The following CORIN variants were observed in gnomAD, a reference collection of about 807,000 sequenced individuals.
CORIN encodes atrial natriuretic peptide-converting enzyme.
In CORIN, 117 loss-of-function variants were observed where a neutral mutation model predicts 125.3. That is an observed-to-expected ratio of 0.93 (90% CI 0.80 to 1.09). The LOEUF is 1.09. Ranked by LOEUF, CORIN falls within the 50% of genes least tolerant of loss-of-function variation. The pLI, the probability that CORIN is intolerant of heterozygous loss-of-function variation, is 0.00. For missense variants in CORIN, 1,253 were observed against 1,306.7 expected (o/e 0.96, Z 0.63); for synonymous variants, 450 against 466.4 (o/e 0.96, Z 0.45).
intron 5 of CORIN, among the ~76,000 whole-genome samples, chr4:47,702,072 G>A (rs1201079137): frequency 6.6e-6 from 1 of 152,050 alleles, no homozygotes; most frequent in Non-Finnish European, 1.5e-5. Flanking sequence ...TTCTTGGGAG[G>A]TGCTACCTTC....
intron 19 of CORIN, among the ~76,000 whole-genome samples, chr4:47,605,378 T>G (rs914356828): frequency 6.6e-6 from 1 of 152,174 alleles, no homozygotes; most frequent in Non-Finnish European, 1.5e-5. Flanking sequence ...TATTTAATGA[T>G]GGCTCAATGA....
At chr4:47,809,450 G>A (rs1301756708) in intron 1 of CORIN, among the ~76,000 whole-genome samples, 1 of 144,958 alleles carries the variant, frequency 6.9e-6, no homozygotes, top group African/African-American at 2.6e-5. Context: ...TGTTGCCCAG[G>A]CTGGAGTGCA....
chr4:47,761,706 G>C (rs186163935), intron 4 of CORIN, among the ~76,000 whole-genome samples: 4 of 152,330 alleles, frequency 2.6e-5, no homozygotes, highest in Non-Finnish European at 4.4e-5. Flanking sequence ...AAGGTGAAAA[G>C]AGACTGGGGA....
intron 17 of CORIN, among the ~76,000 whole-genome samples, chr4:47,624,833 T>C (rs940104801): frequency 6.6e-6 from 1 of 151,994 alleles, no homozygotes; most frequent in Non-Finnish European, 1.5e-5. Context: ...ATATTGGGAC[T>C]TTCAAAAATA....
intron 13 of CORIN, among the ~76,000 whole-genome samples, chr4:47,651,591 A>G (rs61760477): frequency 6.6e-6 from 1 of 152,250 alleles, no homozygotes; most frequent in Non-Finnish European, 1.5e-5. Flanking sequence ...AAAACTTCTC[A>G]TAAATTAGTA....
chr4:47,613,882 G>A (rs746033618), intron 19 of CORIN, among the ~76,000 whole-genome samples: 10 of 151,228 alleles, frequency 6.6e-5, no homozygotes, highest in African/African-American at 1.5e-4. Flanking sequence ...TGGGTGCAGC[G>A]CACCAGCATG....
chr4:47,794,432 T>G (rs1227307517), intron 2 of CORIN, among the ~76,000 whole-genome samples: 1 of 152,136 alleles, frequency 6.6e-6, no homozygotes, highest in Non-Finnish European at 1.5e-5. Flanking sequence ...AATTTTTCTT[T>G]TTTCCTCATT....
At chr4:47,835,941 G>C (rs1445188653) in intron 1 of CORIN, among the ~76,000 whole-genome samples, 1 of 152,204 alleles carries the variant, frequency 6.6e-6, no homozygotes, top group African/African-American at 2.4e-5. Flanking sequence ...AAGGTTAACA[G>C]AGGCTTTCAT....
At chr4:47,655,261 A>G (rs187573169) in intron 12 of CORIN, among the ~76,000 whole-genome samples, 1 of 152,116 alleles carries the variant, frequency 6.6e-6, no homozygotes, top group East Asian at 2.0e-4. Flanking sequence ...TGTGATGGCT[A>G]CAGGGAGAAA....
chr4:47,632,746 G>GAT (rs879466229), intron 16 of CORIN, among the ~76,000 whole-genome samples: 120 of 117,152 alleles, frequency 1.0e-3, no homozygotes, highest in Middle Eastern at 3.9e-3. Flanking sequence ...TAGATAGATA[G>GAT]ATAGATAGAT....
intron 10 of CORIN, 41 bp from the exon 11 acceptor site, chr4:47,665,304 A>G: frequency 1.4e-6 from 2 of 1,437,260 alleles, no homozygotes; most frequent in Middle Eastern, 1.8e-4. Flanking sequence ...TAAATTTCAC[A>G]TATAAAAACA....
At chr4:47,837,540 C>T (rs1419648254) in intron 1 of CORIN, 3 of 405,082 alleles carry the variant, frequency 7.4e-6, no homozygotes, top group Admixed American at 4.3e-5. Flanking sequence ...TGGAGGGCAC[C>T]GTGCGGAGGA....
chr4:47,681,128 T>C (rs1454957237), intron 7 of CORIN: 3 of 152,224 alleles, frequency 2.0e-5, no homozygotes, highest in East Asian at 3.8e-4. Flanking sequence ...AGAAGATGTA[T>C]GTGGATTCAT....
chr4:47,663,745 G>A (rs1724350688), intron 11 of CORIN, among the ~76,000 whole-genome samples: 1 of 152,138 alleles, frequency 6.6e-6, no homozygotes, highest in Admixed American at 6.6e-5. Context: ...CACTATCACT[G>A]ACCTTGCTTT....
At chr4:47,696,392 A>G (rs1440117710) in intron 5 of CORIN, among the ~76,000 whole-genome samples, 2 of 152,206 alleles carry the variant, frequency 1.3e-5, no homozygotes, top group Non-Finnish European at 2.9e-5. Flanking sequence ...CATTCATTGA[A>G]TATATATTTA....
chr4:47,617,397 G>A (rs1722104516), intron 19 of CORIN, among the ~76,000 whole-genome samples: 1 of 152,192 alleles, frequency 6.6e-6, no homozygotes. Flanking sequence ...AAACGAGAGA[G>A]CTCCAAGTTT....
intron 3 of CORIN, among the ~76,000 whole-genome samples, chr4:47,784,125 G>T (rs1272988731): frequency 6.6e-6 from 1 of 151,962 alleles, no homozygotes. Flanking sequence ...TACCTGTCTG[G>T]TGTATTTCAT....
intron 5 of CORIN, among the ~76,000 whole-genome samples, chr4:47,742,430 C>A (rs773051079): frequency 5.3e-5 from 8 of 151,840 alleles, no homozygotes; most frequent in Non-Finnish European, 1.2e-4. Flanking sequence ...AGTGATTTAT[C>A]AAATTTCTTG....
Position 47,720,674 on chromosome 4 carries a change from C to T in CORIN, c.799+23728G>A, listed in dbSNP as rs562944411. The stretch of plus-strand genomic sequence containing the variant: ...CATCCCTTCTTTCGTGGGCTGAATG[C>T]TATAGGTCTACCTTTAATTTATGCT... On this transcript the variant is annotated intron_variant, in intron 5 of 21. Transcript: ENST00000273857. Among the ~76,000 whole-genome samples the T allele has an allele frequency of 1.1e-4, 16 of 152,310 alleles. No homozygotes were observed. The South Asian group carries it at 2.3e-3, about 22-fold the overall frequency.
Sources: gnomAD v4.1 joint callset for allele counts (sites outside exome capture counted in the v4.1 genomes callset) on GRCh38, gnomAD v4.1.1 for gene constraint, MANE v1.5 for transcripts, NCBI Gene and HGNC (gene_info 2026-07-23, HGNC 2026-07-21) for gene names.